NRG3: variants seen among roughly 807,000 people sequenced by gnomAD.
NRG3 encodes the protein neuregulin 3, also known as pro-neuregulin-3, membrane-bound isoform.
Under a neutral mutation model 66.9 loss-of-function variants are expected in NRG3, and 31 were observed. The observed-to-expected ratio is 0.46, with a 90% CI of 0.35 to 0.63. The LOEUF (loss-of-function observed/expected upper bound fraction) is 0.63. Among genes scored for constraint, NRG3 ranks in the 20% least tolerant of loss-of-function variants. The probability of loss-of-function intolerance (pLI) is 0.00; values close to 1 mark genes in which losing one functional copy is unlikely to be tolerated. For synonymous variants in NRG3, 393 were observed against 359.4 expected, an observed-to-expected ratio of 1.09 and a Z score of -1.06; for missense variants, 910 against 878.9, an observed-to-expected ratio of 1.04 and a Z score of -0.45.
chr10:81,997,893 G>A (rs1589728765), intron 1 of NRG3, among the ~76,000 whole-genome samples: 1 of 139,178 alleles, frequency 7.2e-6, no homozygotes, highest in Non-Finnish European at 1.5e-5. Flanking sequence ...CCTCAAATAT[G>A]CACAAAATTG....
intron 1 of NRG3, among the ~76,000 whole-genome samples, chr10:82,308,991 C>G (rs909415157): frequency 1.3e-5 from 2 of 152,158 alleles, no homozygotes; most frequent in African/African-American, 4.8e-5. Flanking sequence ...TTATCTCTCC[C>G]TCAACTGTTT....
At position 82,816,385 on chromosome 10, in the gene NRG3, C is replaced by T. The variant is rs577023045; in HGVS notation, c.1028-49026C>T. ...GCTCCTTTCCGCAGGCAGGTCATCC[C>T]GATGAGTGTCCAGCTCTCAGCAGAG... On this transcript the variant is annotated intron_variant, in intron 3 of 8. Transcript: ENST00000372141. 1.6e-4 allele frequency among the ~76,000 whole-genome samples: 25 copies of T among 152,286 alleles called. No individual in the cohort carries two copies. The South Asian group carries it at 2.3e-3, about 14-fold the overall frequency.
intron 1 of NRG3, among the ~76,000 whole-genome samples, chr10:82,296,158 C>T (rs1183869425): frequency 1.3e-5 from 2 of 152,030 alleles, no homozygotes; most frequent in African/African-American, 2.4e-5. Context: ...GTGAAGCAGT[C>T]GTGTGTTTGA....
intron 1 of NRG3, among the ~76,000 whole-genome samples, chr10:82,144,097 G>T (rs2132678382): frequency 6.6e-6 from 1 of 151,034 alleles, no homozygotes; most frequent in Admixed American, 6.6e-5. Flanking sequence ...AAGCATTCTT[G>T]GTATTCAGTA....
intron 1 of NRG3, among the ~76,000 whole-genome samples, chr10:82,254,364 G>A (rs927047047): frequency 3.9e-5 from 6 of 152,046 alleles, no homozygotes; most frequent in African/African-American, 1.4e-4. Flanking sequence ...GCACAACAGG[G>A]GCACAATACT....
intron 1 of NRG3, among the ~76,000 whole-genome samples, chr10:81,953,987 A>T (rs188415199): frequency 1.6e-4 from 24 of 152,342 alleles, no homozygotes; most frequent in African/African-American, 5.8e-4. Context: ...TGTTCATTTC[A>T]GTATTTTCCA....
At chr10:82,415,121 G>A (rs1319437066) in intron 2 of NRG3, among the ~76,000 whole-genome samples, 1 of 152,094 alleles carries the variant, frequency 6.6e-6, no homozygotes, top group Non-Finnish European at 1.5e-5. Flanking sequence ...GGAAACATTT[G>A]GTGAGGTCAG....
chr10:82,580,582 A>G (rs2133208403), intron 2 of NRG3, among the ~76,000 whole-genome samples: 2 of 152,024 alleles, frequency 1.3e-5, no homozygotes, highest in Middle Eastern at 6.8e-3. Context: ...CCTGGCAACT[A>G]CTGATATTTT....
intron 1 of NRG3, among the ~76,000 whole-genome samples, chr10:82,210,996 T>C (rs1410314017): frequency 6.6e-6 from 1 of 151,694 alleles, no homozygotes; most frequent in Non-Finnish European, 1.5e-5. Context: ...TACAGAATCA[T>C]ATGGGTGCCA....
At chr10:82,053,387 G>T (rs972894685) in intron 1 of NRG3, among the ~76,000 whole-genome samples, 1 of 152,114 alleles carries the variant, frequency 6.6e-6, no homozygotes, top group Non-Finnish European at 1.5e-5. Flanking sequence ...GGCTGAGGAA[G>T]ATCCATAAAT....
chr10:82,003,168 T>G (rs1374086436), intron 1 of NRG3, among the ~76,000 whole-genome samples: 1 of 152,082 alleles, frequency 6.6e-6, no homozygotes, highest in East Asian at 1.9e-4. Flanking sequence ...ATTTCTTGAT[T>G]TATGGGTAGG....
At chr10:82,279,240 G>C (rs905782979) in intron 1 of NRG3, among the ~76,000 whole-genome samples, 1 of 152,150 alleles carries the variant, frequency 6.6e-6, no homozygotes, top group African/African-American at 2.4e-5. Context: ...TGTGCTGAGG[G>C]AAGTATCCCC....
intron 2 of NRG3, among the ~76,000 whole-genome samples, chr10:82,509,217 C>T (rs988225260): frequency 6.6e-6 from 1 of 152,128 alleles, no homozygotes; most frequent in Non-Finnish European, 1.5e-5. Flanking sequence ...TCAATGACAA[C>T]AGAAACAGAC....
At chr10:82,326,215 C>A (rs572345600) in intron 1 of NRG3, among the ~76,000 whole-genome samples, 1 of 152,198 alleles carries the variant, frequency 6.6e-6, no homozygotes, top group Non-Finnish European at 1.5e-5. Flanking sequence ...TCTTAAAGAT[C>A]AGCTCTATTG....
intron 1 of NRG3, among the ~76,000 whole-genome samples, chr10:81,877,312 A>G (rs946245520): frequency 8.5e-5 from 13 of 152,146 alleles, no homozygotes; most frequent in African/African-American, 2.9e-4. Flanking sequence ...AGTTTGTGCA[A>G]CCTGTGAAGG....
At chr10:82,284,505 T>A (rs976764500) in intron 1 of NRG3, among the ~76,000 whole-genome samples, 8 of 152,224 alleles carry the variant, frequency 5.3e-5, no homozygotes, top group African/African-American at 1.4e-4. Flanking sequence ...GAAACAGTGT[T>A]TATCATACTA....
chr10:82,887,894 C>T (rs1408581930), intron 4 of NRG3, among the ~76,000 whole-genome samples: 1 of 152,190 alleles, frequency 6.6e-6, no homozygotes, highest in African/African-American at 2.4e-5. Flanking sequence ...GTGGTAGAGA[C>T]AGAAGTTGAA....
chr10:82,954,877 C>T (rs1443622609), intron 5 of NRG3, among the ~76,000 whole-genome samples: 1 of 151,318 alleles, frequency 6.6e-6, no homozygotes, highest in South Asian at 2.1e-4. Flanking sequence ...ACAGAATATC[C>T]AAACTCTACC....
intron 2 of NRG3, among the ~76,000 whole-genome samples, chr10:82,728,633 C>T (rs917430951): frequency 5.9e-5 from 9 of 152,272 alleles, no homozygotes; most frequent in African/African-American, 2.2e-4. Context: ...CTAATACAAC[C>T]TTTCTAGTCT....
Sources: allele counts gnomAD v4.1 joint callset (sites outside exome capture counted in the v4.1 genomes callset), GRCh38; gene constraint gnomAD v4.1.1; transcripts MANE v1.5; gene names NCBI Gene and HGNC (gene_info 2026-07-23, HGNC 2026-07-21).